Variants in CFH observed in about 807,000 individuals in gnomAD.
The protein encoded by CFH is H factor 1 (complement).
A neutral mutation model predicts 147.3 loss-of-function variants in CFH; 53 were observed. The observed-to-expected ratio is 0.36, with a 90% CI of 0.29 to 0.45. CFH has a LOEUF of 0.45. Ranked by LOEUF, CFH falls within the 20% of genes least tolerant of loss-of-function variation. The pLI is 1.00. For missense variants in CFH, 1,380 were observed against 1,498.0 expected (o/e 0.92, Z 1.30); for synonymous variants, 536 against 489.4 (o/e 1.10, Z -1.26).
intron 11 of CFH, among the ~76,000 whole-genome samples, chr1:196,717,475 G>C (rs1209491981): frequency 6.6e-6 from 1 of 152,078 alleles, no homozygotes; most frequent in Non-Finnish European, 1.5e-5. Flanking sequence ...CAGAAATTGT[G>C]ATGGATTAGG....
intron 1 of CFH, among the ~76,000 whole-genome samples, chr1:196,670,977 G>A (rs1430590678): frequency 2.0e-5 from 3 of 151,844 alleles, no homozygotes; most frequent in African/African-American, 7.2e-5. Flanking sequence ...ACTCTGTTTT[G>A]TTTGTTGTTG....
intron 6 of CFH, among the ~76,000 whole-genome samples, chr1:196,683,323 T>G (rs201107539): frequency 6.6e-6 from 1 of 151,878 alleles, no homozygotes; most frequent in East Asian, 1.9e-4. Flanking sequence ...TACCAGTGAC[T>G]GGAATATGTG....
At chr1:196,713,683 T>TA in intron 9 of CFH, 52 bp from the exon 10 acceptor site, 2 of 1,160,278 alleles carry the variant, frequency 1.7e-6, no homozygotes, top group South Asian at 2.8e-5. Context: ...TAAATTCTTA[T>TA]AAAATGTTAT....
chr1:196,739,038 C>A (rs412739), intron 17 of CFH, among the ~76,000 whole-genome samples: 6,165 of 152,318 alleles, frequency 0.04, 387 homozygotes, highest in African/African-American at 0.14. Context: ...TGGGGTTTCA[C>A]CCTTTGAGGC....
intron 1 of CFH, among the ~76,000 whole-genome samples, chr1:196,660,602 G>C (rs926971833): frequency 6.6e-6 from 1 of 152,160 alleles, no homozygotes; most frequent in African/African-American, 2.4e-5. Flanking sequence ...AGGGAAAATA[G>C]AACAGGGGCG....
intron 11 of CFH, among the ~76,000 whole-genome samples, chr1:196,717,506 A>T (rs1668898601): frequency 6.6e-6 from 1 of 152,088 alleles, no homozygotes; most frequent in African/African-American, 2.4e-5. Flanking sequence ...GCCAATGACA[A>T]GTGTAACAAA....
chr1:196,660,700 G>C (rs1666868988), intron 1 of CFH, among the ~76,000 whole-genome samples: 1 of 152,138 alleles, frequency 6.6e-6, no homozygotes, highest in African/African-American at 2.4e-5. Flanking sequence ...TATTTGAAGA[G>C]AAAAGGTAAT....
intron 15 of CFH, among the ~76,000 whole-genome samples, chr1:196,735,816 A>G (rs571325090): frequency 6.6e-6 from 1 of 152,256 alleles, no homozygotes; most frequent in African/African-American, 2.4e-5. Flanking sequence ...ATACTTTATC[A>G]TAAGCGAAAA....
intron 7 of CFH, among the ~76,000 whole-genome samples, chr1:196,688,140 CAT>C (rs899484169): frequency 2.6e-5 from 4 of 151,568 alleles, no homozygotes; most frequent in East Asian, 1.9e-4. Flanking sequence ...GAAATAGAAA[CAT>C]ATTTCATGGA....
At chr1:196,692,994 T>C (rs114532054) in intron 9 of CFH, among the ~76,000 whole-genome samples, 3 of 151,064 alleles carry the variant, frequency 2.0e-5, no homozygotes, top group African/African-American at 7.3e-5. Flanking sequence ...ACTATTTTAC[T>C]CTTCATGCTA....
chr1:196,727,060 A>C (rs1049980731), intron 14 of CFH, 120 bp downstream of exon 14: 2 of 835,282 alleles, frequency 2.4e-6, no homozygotes, highest in East Asian at 5.3e-5. Flanking sequence ...AGTCTTCAAT[A>C]TGAGACCAAT....
At chr1:196,662,974 A>G (rs1666959536) in intron 1 of CFH, among the ~76,000 whole-genome samples, 1 of 141,322 alleles carries the variant, frequency 7.1e-6, no homozygotes. Context: ...CTTCCTGAAA[A>G]TGGAAGTGAT....
chr1:196,670,261 G>C (rs988300542), intron 1 of CFH, among the ~76,000 whole-genome samples: 1 of 152,164 alleles, frequency 6.6e-6, no homozygotes, highest in African/African-American at 2.4e-5. Context: ...GGTTAATGCT[G>C]TAGTGAGTTA....
intron 11 of CFH, among the ~76,000 whole-genome samples, chr1:196,722,359 T>C (rs1051005222): frequency 1.3e-5 from 2 of 152,252 alleles, no homozygotes; most frequent in Middle Eastern, 3.4e-3. Flanking sequence ...CTCTAATATA[T>C]GTTTTTTCAA....
intron 1 of CFH, among the ~76,000 whole-genome samples, chr1:196,655,427 A>G (rs965056679): frequency 6.6e-6 from 1 of 152,242 alleles, no homozygotes; most frequent in African/African-American, 2.4e-5. Context: ...TCTTTTGCCT[A>G]CATATAATTT....
At chr1:196,661,431 C>T (rs528572182) in intron 1 of CFH, among the ~76,000 whole-genome samples, 1 of 152,272 alleles carries the variant, frequency 6.6e-6, no homozygotes, top group Non-Finnish European at 1.5e-5. Context: ...GTATTTCTTA[C>T]ACTTCTGAAT....
At chr1:196,685,009 T>C in intron 6 of CFH, 55 bp from the exon 7 acceptor site, 1 of 1,341,734 alleles carries the variant, frequency 7.5e-7, no homozygotes. Context: ...ATATAAATGA[T>C]TAATTTTAAC....
At chr1:196,721,000 G>A (rs1208446335) in intron 11 of CFH, among the ~76,000 whole-genome samples, 3 of 151,824 alleles carry the variant, frequency 2.0e-5, no homozygotes, top group Non-Finnish European at 4.4e-5. Flanking sequence ...TGGCCACTGT[G>A]TCTAATGTAA....
At chr1:196,672,306 C>T (rs1463221712) in intron 1 of CFH, among the ~76,000 whole-genome samples, 1 of 152,116 alleles carries the variant, frequency 6.6e-6, no homozygotes, top group African/African-American at 2.4e-5. Context: ...CAGGTCCTTC[C>T]TACTTGTGTT....
Sources: gnomAD v4.1 joint callset for allele counts (sites outside exome capture counted in the v4.1 genomes callset) on GRCh38, gnomAD v4.1.1 for gene constraint, MANE v1.5 for transcripts, NCBI Gene and HGNC (gene_info 2026-07-23, HGNC 2026-07-21) for gene names.